NFIB: variants seen among roughly 807,000 people sequenced by gnomAD.
The protein encoded by NFIB is nuclear factor 1 B-type.
A neutral mutation model predicts 61.5 loss-of-function variants in NFIB; 11 were observed. That is an observed-to-expected ratio of 0.18 (90% CI 0.11 to 0.30). NFIB has a LOEUF of 0.30. NFIB is among the 10% of genes least tolerant of loss of function. The pLI, the probability that NFIB is intolerant of heterozygous loss-of-function variation, is 1.00. For synonymous variants in NFIB, 260 were observed against 216.5 expected (o/e 1.20, Z -1.76); for missense variants, 471 against 608.9 (o/e 0.77, Z 2.38).
chr9:14,306,623 G>A (rs1053304448), intron 2 of NFIB, among the ~76,000 whole-genome samples: 1 of 151,824 alleles, frequency 6.6e-6, no homozygotes, highest in African/African-American at 2.4e-5. Flanking sequence ...TTTCAAATCA[G>A]GAAAAGATTA....
the NFIB span, among the ~76,000 whole-genome samples, chr9:14,494,860 G>A: frequency 1.3e-5 from 2 of 152,104 alleles, no homozygotes; most frequent in Admixed American, 6.5e-5. Context: ...CATCCACTCC[G>A]GGCCTTTCCC....
the NFIB span, among the ~76,000 whole-genome samples, chr9:14,453,766 A>G: frequency 6.6e-6 from 1 of 152,334 alleles, no homozygotes; most frequent in East Asian, 1.9e-4. Flanking sequence ...TGCAAACAGC[A>G]GTAAATTTTT....
intron 1 of NFIB, among the ~76,000 whole-genome samples, chr9:14,330,809 G>C (rs1490279487): frequency 1.3e-5 from 2 of 152,104 alleles, no homozygotes; most frequent in Non-Finnish European, 2.9e-5. Context: ...CTCTTGGTGG[G>C]TGAAGAAGAG....
At chr9:14,464,560 C>G in the NFIB span, among the ~76,000 whole-genome samples, 1 of 151,986 alleles carries the variant, frequency 6.6e-6, no homozygotes, top group Non-Finnish European at 1.5e-5. Flanking sequence ...GGCACACAGA[C>G]CTGAAGTTGA....
chr9:14,313,732 A>G lies in NFIB; in HGVS notation c.-221T>C, dbSNP rs564369135. On this transcript the variant is annotated 5_prime_UTR_variant, in exon 1 of 11. Transcript: ENST00000380953. The surrounding 1 kb of genome is among the most constrained non-coding windows in gnomAD (Gnocchi z 4.5). ...GCTAGATTTCCAGGGGTGAAATCCAATCTACACTTTTAACCCTCTTGCAGT... is the reference window on the plus strand; with the variant it reads ...GCTAGATTTCCAGGGGTGAAATCCAGTCTACACTTTTAACCCTCTTGCAGT... 11 of 1,410,942 alleles carry G rather than the reference A, an allele frequency of 7.8e-6. No individual in the cohort carries two copies. Among genetic ancestry groups the G allele is most frequent in the Admixed American group, 2.9e-5 (1 of 34,770 alleles). 87.4% of individuals were successfully genotyped at this position (1,410,942 alleles called of 1,614,324 possible).
intron 1 of NFIB, among the ~76,000 whole-genome samples, chr9:14,312,811 A>T (rs2060345893): frequency 6.6e-6 from 1 of 152,074 alleles, no homozygotes; most frequent in Admixed American, 6.5e-5. Flanking sequence ...CGTTCTAAAA[A>T]CTCCTTAACA....
At chr9:14,254,445 T>G (rs535428212) in intron 2 of NFIB, among the ~76,000 whole-genome samples, 2 of 152,226 alleles carry the variant, frequency 1.3e-5, no homozygotes, top group Non-Finnish European at 2.9e-5. Context: ...TGACTTGATA[T>G]GGGCTTGCGT....
intron 2 of NFIB, among the ~76,000 whole-genome samples, chr9:14,246,496 G>C (rs2054942387): frequency 6.6e-6 from 1 of 152,162 alleles, no homozygotes; most frequent in African/African-American, 2.4e-5. Context: ...ACCCTGCATT[G>C]TGTCCTCCTC....
At chr9:14,476,783 C>G in the NFIB span, among the ~76,000 whole-genome samples, 67 of 152,294 alleles carry the variant, frequency 4.4e-4, 2 homozygotes, top group Non-Finnish European at 3.7e-4. Flanking sequence ...TAGGTGCCCA[C>G]AATCTCTTCA....
intron 1 of NFIB, among the ~76,000 whole-genome samples, chr9:14,325,718 T>A (rs2060744202): frequency 6.6e-6 from 1 of 152,124 alleles, no homozygotes; most frequent in South Asian, 2.1e-4. Flanking sequence ...TCCATTATTA[T>A]ACCAGAATTT....
At chr9:14,229,961 C>A (rs1467945996) in intron 2 of NFIB, among the ~76,000 whole-genome samples, 1 of 152,122 alleles carries the variant, frequency 6.6e-6, no homozygotes, top group Non-Finnish European at 1.5e-5. Context: ...CCACCATGTC[C>A]GGCTAATTAT....
the NFIB span, among the ~76,000 whole-genome samples, chr9:14,506,635 G>T: frequency 6.6e-6 from 1 of 152,188 alleles, no homozygotes; most frequent in South Asian, 2.1e-4. Flanking sequence ...ATGTGAGTAT[G>T]TAGGTTAGGT....
At chr9:14,134,897 CAAA>C (rs57014530) in intron 6 of NFIB, among the ~76,000 whole-genome samples, 72 of 64,324 alleles carry the variant, frequency 1.1e-3, no homozygotes, top group African/African-American at 3.2e-3. Flanking sequence ...GACTCTGTCT[CAAA>C]AAAAAAAAAA....
In NFIB at chr9:14,204,329, G is replaced by C. The variant is rs547675064; in HGVS notation, c.563-24549C>G. 129 of 750,814 alleles carry C rather than the reference G, an allele frequency of 1.7e-4. 1 individual carries two copies. In the African/African-American group the frequency reaches 2.2e-3, roughly 13 times the overall value. 46.5% of individuals were successfully genotyped at this position (750,814 alleles called of 1,614,324 possible). A position where few individuals can be genotyped will look rare whatever the true frequency, so the allele number is the denominator to read the frequency against. Reference sequence around the variant, plus strand: ...GAAGAAGCAGGAGGCCAAGAAAGTGGTCAACCCCCTGTTTGAGAAAAGGCC... The same window carrying C: ...GAAGAAGCAGGAGGCCAAGAAAGTGCTCAACCCCCTGTTTGAGAAAAGGCC... On this transcript the variant is annotated intron_variant, in intron 2 of 10. Transcript: ENST00000380953.
chr9:14,147,195 C>T (rs1286780731), intron 5 of NFIB, among the ~76,000 whole-genome samples: 61 of 151,898 alleles, frequency 4.0e-4, no homozygotes, highest in Non-Finnish European at 1.6e-4. Context: ...TAGCACTTGT[C>T]ATTGACAATG....
At chr9:14,379,492 T>C (rs1046496228) in intron 1 of NFIB, among the ~76,000 whole-genome samples, 10 of 152,132 alleles carry the variant, frequency 6.6e-5, no homozygotes. Context: ...CCCCACTTAC[T>C]CGCTATTTTA....
the NFIB span, among the ~76,000 whole-genome samples, chr9:14,499,027 C>T: frequency 2.7e-5 from 4 of 150,428 alleles, no homozygotes; most frequent in African/African-American, 7.3e-5. Context: ...CACATGTGCA[C>T]GTGTGTGTGT....
At chr9:14,326,430 G>A (rs762176532) in intron 1 of NFIB, among the ~76,000 whole-genome samples, 1 of 152,134 alleles carries the variant, frequency 6.6e-6, no homozygotes, top group Non-Finnish European at 1.5e-5. Context: ...GAGAGTATGG[G>A]TACAAAAATA....
the NFIB span, among the ~76,000 whole-genome samples, chr9:14,516,567 T>G: frequency 6.6e-6 from 1 of 152,230 alleles, no homozygotes; most frequent in Non-Finnish European, 1.5e-5. Flanking sequence ...TGTTCCACAC[T>G]TGAATCAAGC....
Sources: allele counts gnomAD v4.1 joint callset (sites outside exome capture counted in the v4.1 genomes callset), GRCh38; gene constraint gnomAD v4.1.1; non-coding constraint Gnocchi (gnomAD v3.1); transcripts MANE v1.5; gene names NCBI Gene and HGNC (gene_info 2026-07-23, HGNC 2026-07-21).